Variants in RBFOX1 observed in about 807,000 individuals in gnomAD.
RBFOX1 encodes RNA binding protein fox-1 homolog 1.
A neutral mutation model predicts 57.7 loss-of-function variants in RBFOX1; 8 were observed. The observed-to-expected ratio is 0.14, with a 90% CI of 0.08 to 0.25. The LOEUF (loss-of-function observed/expected upper bound fraction) is 0.25, where lower values mean the gene tolerates loss of function less well. RBFOX1 is among the 10% of genes least tolerant of loss of function. The pLI is 1.00. For synonymous variants in RBFOX1, 326 were observed against 222.4 expected (o/e 1.47, Z -4.15); for missense variants, 611 against 548.5 (o/e 1.11, Z -1.14).
chr16:7,709,128 C>T lies in RBFOX1; in HGVS notation c.1068C>T (p.Ala356=), dbSNP rs772103828. Residue 356 remains alanine, a synonymous_variant, in exon 15 of 16, where the codon GCC becomes GCT. Transcript: ENST00000550418. Reference sequence around the variant, plus strand: ...CAGCCCCCACCTACGGCGTTGGTGCCATGGTGAGTACAAGTTTCTCCTTGT... The same window carrying T: ...CAGCCCCCACCTACGGCGTTGGTGCTATGGTGAGTACAAGTTTCTCCTTGT... The part of the protein sequence containing the change: ...LAPAPTYGVG[A]MNAFAPLTDA... 6.2e-7 allele frequency: 1 copy of T among 1,612,116 alleles called. No homozygotes were observed. Among genetic ancestry groups the T allele is most frequent in the African/African-American group, 1.3e-5 (1 of 74,892 alleles).
At chr16:5,753,567 T>C (rs1213883293) in intron 3 of RBFOX1, among the ~76,000 whole-genome samples, 1 of 152,154 alleles carries the variant, frequency 6.6e-6, no homozygotes, top group African/African-American at 2.4e-5. Flanking sequence ...TGCAGCCAGC[T>C]TGTATTGGCT....
intron 1 of RBFOX1, among the ~76,000 whole-genome samples, chr16:5,441,565 A>G (rs1234532459): frequency 6.6e-6 from 1 of 152,188 alleles, no homozygotes; most frequent in South Asian, 2.1e-4. Flanking sequence ...AGGTTTCACC[A>G]TGTTGGCCAG....
intron 13 of RBFOX1, among the ~76,000 whole-genome samples, chr16:7,667,993 G>A (rs534737894): frequency 4.5e-4 from 69 of 152,124 alleles, no homozygotes; most frequent in Non-Finnish European, 7.8e-4. Context: ...TTCTTTTTAA[G>A]TTTATTGGGT....
intron 3 of RBFOX1, among the ~76,000 whole-genome samples, chr16:5,735,176 A>G (rs2052527286): frequency 6.6e-6 from 1 of 152,150 alleles, no homozygotes; most frequent in Non-Finnish European, 1.5e-5. Flanking sequence ...AGGAAATATG[A>G]TGGAACCACC....
At chr16:6,539,191 A>C (rs2096777518) in intron 2 of RBFOX1, among the ~76,000 whole-genome samples, 1 of 152,112 alleles carries the variant, frequency 6.6e-6, no homozygotes. Context: ...TTCTACTTGA[A>C]TCATTGTGCA....
intron 4 of RBFOX1, among the ~76,000 whole-genome samples, chr16:7,456,132 C>G (rs376371416): frequency 6.6e-6 from 1 of 152,116 alleles, no homozygotes; most frequent in Admixed American, 6.5e-5. Flanking sequence ...TGCACTGCCC[C>G]CAGAAATTAT....
rs144887474 is a variant in RBFOX1 at position 6,196,473 on chromosome 16, T to C, written c.-126-120522T>C. ...TGCATGGGATACAGTAGACAATAAATCTGGACTTTTATTAACGATAAATAA... is the reference window on the plus strand; with the variant it reads ...TGCATGGGATACAGTAGACAATAAACCTGGACTTTTATTAACGATAAATAA... On this transcript the variant is annotated intron_variant, in intron 1 of 15. Coordinates refer to ENST00000550418, the MANE Select transcript of RBFOX1 (RefSeq NM_018723.4). 7.8e-3 allele frequency among the ~76,000 whole-genome samples: 1,184 copies of C among 152,260 alleles called. 14 individuals are homozygous for C. Among genetic ancestry groups the C allele is most frequent in the African/African-American group, 0.027 (1,115 of 41,548 alleles).
chr16:6,094,318 G>T (rs1055009443), intron 1 of RBFOX1, among the ~76,000 whole-genome samples: 1 of 152,126 alleles, frequency 6.6e-6, no homozygotes, highest in East Asian at 1.9e-4. Context: ...TTGAGAAGAG[G>T]TCTATCAACT....
At chr16:7,258,879 A>G (rs2094805156) in intron 4 of RBFOX1, among the ~76,000 whole-genome samples, 1 of 152,184 alleles carries the variant, frequency 6.6e-6, no homozygotes, top group Non-Finnish European at 1.5e-5. Flanking sequence ...CTGGGAAAGG[A>G]GAACATTAAA....
intron 2 of RBFOX1, among the ~76,000 whole-genome samples, chr16:6,465,598 C>CTGTGTGTGTGTGTGTGTG (rs56131263): frequency 6.9e-6 from 1 of 144,962 alleles, no homozygotes; most frequent in East Asian, 2.1e-4. Context: ...ATGTATAGGG[C>CTGTGTGTGTGTGTGTGTG]TGTGTGTGTG....
At chr16:7,545,959 A>G (rs981320993) in intron 5 of RBFOX1, among the ~76,000 whole-genome samples, 1 of 151,866 alleles carries the variant, frequency 6.6e-6, no homozygotes, top group Non-Finnish European at 1.5e-5. Flanking sequence ...TAGAAATTGG[A>G]AAGTGTCGTA....
intron 2 of RBFOX1, among the ~76,000 whole-genome samples, chr16:5,479,281 C>T (rs1216692355): frequency 6.6e-6 from 1 of 152,144 alleles, no homozygotes; most frequent in Non-Finnish European, 1.5e-5. Context: ...CATGTTTGCC[C>T]TGTTCATTGC....
chr16:6,968,473 T>A (rs142513223), intron 3 of RBFOX1, among the ~76,000 whole-genome samples: 176 of 152,296 alleles, frequency 1.2e-3, no homozygotes, highest in African/African-American at 3.9e-3. Context: ...ACCGAAAAAC[T>A]GAGGCTTCTC....
intron 3 of RBFOX1, among the ~76,000 whole-genome samples, chr16:6,974,949 A>G (rs371403749): frequency 1.3e-5 from 2 of 152,178 alleles, no homozygotes; most frequent in Non-Finnish European, 2.9e-5. Context: ...TTTTAAAAGG[A>G]TTGTTCTAAA....
At chr16:6,717,036 G>C (rs969060065) in intron 3 of RBFOX1, among the ~76,000 whole-genome samples, 3 of 152,158 alleles carry the variant, frequency 2.0e-5, no homozygotes, top group African/African-American at 7.2e-5. Flanking sequence ...AACCATGTGA[G>C]GATACAGTGA....
At chr16:7,031,815 C>A (rs1256269031) in intron 3 of RBFOX1, among the ~76,000 whole-genome samples, 1 of 152,136 alleles carries the variant, frequency 6.6e-6, no homozygotes, top group East Asian at 1.9e-4. Context: ...GGGCCTGGCT[C>A]ACATGTAAGC....
intron 4 of RBFOX1, among the ~76,000 whole-genome samples, chr16:5,969,343 T>G (rs1344638505): frequency 7.7e-6 from 1 of 130,434 alleles, no homozygotes; most frequent in African/African-American, 2.9e-5. Context: ...ATGGAGTCTC[T>G]CACTGTCACC....
At position 7,187,646 on chromosome 16, in the gene RBFOX1, G is replaced by A. The variant is rs1158901201; in HGVS notation, c.27+135548G>A. Among the ~76,000 whole-genome samples the A allele has an allele frequency of 3.1e-5, 4 of 128,444 alleles. No homozygotes were observed. In the East Asian group the frequency reaches 1.0e-3, roughly 32 times the overall value. 84.3% of individuals were successfully genotyped at this position (128,444 alleles called of 152,430 possible). ...AGAGCTTGCAGTGAGCCGAGATCGTGCCACTGCAGTCCAGCCTGGGCAACA... is the reference window on the plus strand; with the variant it reads ...AGAGCTTGCAGTGAGCCGAGATCGTACCACTGCAGTCCAGCCTGGGCAACA... On this transcript the variant is annotated intron_variant, in intron 4 of 15. Transcript: ENST00000550418.
chr16:6,390,441 T>C (rs2092542245), intron 2 of RBFOX1, among the ~76,000 whole-genome samples: 2 of 152,088 alleles, frequency 1.3e-5, no homozygotes, highest in Admixed American at 1.3e-4. Flanking sequence ...TAAAAAATGT[T>C]TTGGATGACT....
Sources: allele counts gnomAD v4.1 joint callset (sites outside exome capture counted in the v4.1 genomes callset), GRCh38; gene constraint gnomAD v4.1.1; transcripts MANE v1.5; gene names NCBI Gene and HGNC (gene_info 2026-07-23, HGNC 2026-07-21).